Variants in GRIK2 observed in about 807,000 individuals in gnomAD.
GRIK2 encodes the protein glutamate ionotropic receptor kainate type subunit 2, also known as glutamate receptor ionotropic, kainate 2.
Under a neutral mutation model 100.3 loss-of-function variants are expected in GRIK2, and 32 were observed. That is an observed-to-expected ratio of 0.32 (90% CI 0.24 to 0.43). GRIK2 has a LOEUF of 0.43. GRIK2 is among the 20% of genes least tolerant of loss of function. The pLI is 1.00. For missense variants in GRIK2, 843 were observed against 1,114.9 expected (o/e 0.76, Z 3.47); for synonymous variants, 417 against 389.4 (o/e 1.07, Z -0.83).
At chr6:101,541,771 A>G (rs569765810) in intron 2 of GRIK2, among the ~76,000 whole-genome samples, 4 of 152,144 alleles carry the variant, frequency 2.6e-5, no homozygotes, top group East Asian at 3.9e-4. Context: ...TTCCAAAGCT[A>G]TTAAAACACA....
chr6:101,750,845 A>G (rs1315536516), intron 7 of GRIK2, among the ~76,000 whole-genome samples: 2 of 152,200 alleles, frequency 1.3e-5, no homozygotes, highest in South Asian at 2.1e-4. Flanking sequence ...ATTCAGGCCC[A>G]CTGGCTATTT....
chr6:101,774,893 G>A (rs1319367519), intron 7 of GRIK2, among the ~76,000 whole-genome samples: 1 of 152,030 alleles, frequency 6.6e-6, no homozygotes, highest in African/African-American at 2.4e-5. Flanking sequence ...GAGAAAATAT[G>A]TATGGTAAGT....
At chr6:101,646,644 T>C (rs1582886569) in intron 4 of GRIK2, among the ~76,000 whole-genome samples, 1 of 152,014 alleles carries the variant, frequency 6.6e-6, no homozygotes, top group Non-Finnish European at 1.5e-5. Context: ...TCTGTAAATA[T>C]TCTTCCTCTA....
intron 12 of GRIK2, among the ~76,000 whole-genome samples, chr6:101,897,393 A>G (rs902821754): frequency 1.3e-5 from 2 of 151,718 alleles, no homozygotes; most frequent in Non-Finnish European, 3.0e-5. Flanking sequence ...ATAGCGGCAG[A>G]ATACTGTGAA....
At chr6:101,544,436 G>A (rs1161036229) in intron 2 of GRIK2, among the ~76,000 whole-genome samples, 1 of 152,090 alleles carries the variant, frequency 6.6e-6, no homozygotes, top group Non-Finnish European at 1.5e-5. Context: ...GTACCCCGGG[G>A]GAATGAAAAC....
chr6:101,745,658 T>C (rs1776380327), intron 7 of GRIK2, among the ~76,000 whole-genome samples: 1 of 152,144 alleles, frequency 6.6e-6, no homozygotes, highest in Non-Finnish European at 1.5e-5. Flanking sequence ...GAAAAAAAAT[T>C]AGCCATGTTT....
intron 2 of GRIK2, among the ~76,000 whole-genome samples, chr6:101,535,722 T>C (rs1331971285): frequency 1.3e-5 from 2 of 151,794 alleles, no homozygotes; most frequent in African/African-American, 4.8e-5. Context: ...ATGGATGAGT[T>C]ATGTTGAACA....
chr6:101,980,051 A>C lies in GRIK2; in HGVS notation c.2085+51419A>C, dbSNP rs543442508. On this transcript the variant is annotated intron_variant, in intron 14 of 16. Transcript: ENST00000369134. ...GGGCTTCTTTGAAGGAGTGACATTT[A>C]ACATTTTTTCGAAAGGATGCTGGTG... Among the ~76,000 whole-genome samples, 7 of 152,056 alleles carry C rather than the reference A, an allele frequency of 4.6e-5. No individual in the cohort carries two copies. In the East Asian group the frequency reaches 1.2e-3, roughly 25 times the overall value.
chr6:101,557,431 G>C (rs1457465528), intron 2 of GRIK2, among the ~76,000 whole-genome samples: 1 of 152,126 alleles, frequency 6.6e-6, no homozygotes, highest in Non-Finnish European at 1.5e-5. Context: ...TAACTGAGAT[G>C]TTTTGTTAAC....
intron 2 of GRIK2, among the ~76,000 whole-genome samples, chr6:101,537,648 C>T (rs767459930): frequency 3.3e-5 from 5 of 151,648 alleles, no homozygotes; most frequent in Non-Finnish European, 7.4e-5. Context: ...TCAAATTGTC[C>T]TATGAACTTA....
chr6:101,715,637 G>T (rs976062112), intron 7 of GRIK2, among the ~76,000 whole-genome samples: 3 of 151,722 alleles, frequency 2.0e-5, no homozygotes, highest in African/African-American at 7.2e-5. Flanking sequence ...GTATGTGGGA[G>T]TTTTTATGGC....
chr6:101,988,482 C>T (rs1156413331), intron 14 of GRIK2, among the ~76,000 whole-genome samples: 3 of 151,730 alleles, frequency 2.0e-5, no homozygotes, highest in Non-Finnish European at 4.4e-5. Flanking sequence ...AATATTAGCT[C>T]TGGGGCTGCA....
At chr6:102,005,496 C>T (rs1795168107) in intron 14 of GRIK2, among the ~76,000 whole-genome samples, 1 of 152,042 alleles carries the variant, frequency 6.6e-6, no homozygotes, top group South Asian at 2.1e-4. Flanking sequence ...TGATGGTTGA[C>T]TCAGTCTTAT....
At chr6:101,942,551 G>T (rs1374880570) in intron 14 of GRIK2, among the ~76,000 whole-genome samples, 1 of 152,196 alleles carries the variant, frequency 6.6e-6, no homozygotes, top group African/African-American at 2.4e-5. Flanking sequence ...GTCTGAGACG[G>T]AGATGATGAA....
chr6:101,590,487 C>G (rs1310484658), intron 2 of GRIK2, among the ~76,000 whole-genome samples: 1 of 151,988 alleles, frequency 6.6e-6, no homozygotes, highest in East Asian at 1.9e-4. Context: ...TCTCTAGCAC[C>G]CCAGCAGTGA....
intron 16 of GRIK2, among the ~76,000 whole-genome samples, chr6:102,064,384 TTCCTTTC>T (rs1453573041): frequency 3.5e-5 from 5 of 142,104 alleles, no homozygotes; most frequent in African/African-American, 1.3e-4. Flanking sequence ...CTTTCTTTCT[TTCCTTTC>T]TCTCTCTCTC....
intron 7 of GRIK2, among the ~76,000 whole-genome samples, chr6:101,700,188 G>T (rs536620091): frequency 6.6e-6 from 1 of 151,468 alleles, no homozygotes; most frequent in South Asian, 2.1e-4. Flanking sequence ...TATACAAAGA[G>T]AATTTGATAT....
At chr6:101,727,411 T>C (rs1774947560) in intron 7 of GRIK2, among the ~76,000 whole-genome samples, 1 of 151,932 alleles carries the variant, frequency 6.6e-6, no homozygotes, top group Admixed American at 6.6e-5. Context: ...AACAATAAAT[T>C]ATTGGAGGGC....
At chr6:101,626,253 A>C in intron 3 of GRIK2, 127 bp from the exon 4 acceptor site, 1 of 836,268 alleles carries the variant, frequency 1.2e-6, no homozygotes, top group South Asian at 1.8e-5. Context: ...AAAAGTAGAT[A>C]TATATTTTTT....
Sources: allele counts gnomAD v4.1 joint callset (sites outside exome capture counted in the v4.1 genomes callset), GRCh38; gene constraint gnomAD v4.1.1; transcripts MANE v1.5; gene names NCBI Gene and HGNC (gene_info 2026-07-23, HGNC 2026-07-21).